UST: variants seen among roughly 807,000 people sequenced by gnomAD.
UST encodes the protein uronyl 2-sulfotransferase.
In UST, 21 loss-of-function variants were observed where a neutral mutation model predicts 45.6. The ratio of observed to expected loss-of-function variants is 0.46; its 90% CI spans 0.33 to 0.66. UST has a LOEUF of 0.66. Ranked by LOEUF, UST falls within the 30% of genes least tolerant of loss-of-function variation. The probability of loss-of-function intolerance (pLI) is 0.02; values close to 1 mark genes in which losing one functional copy is unlikely to be tolerated. For missense variants in UST, 463 were observed against 512.4 expected, an observed-to-expected ratio of 0.90 and a Z score of 0.93; for synonymous variants, 215 against 200.6, an observed-to-expected ratio of 1.07 and a Z score of -0.61.
At chr6:149,021,039 C>T (rs2115019877) in intron 6 of UST, among the ~76,000 whole-genome samples, 1 of 152,336 alleles carries the variant, frequency 6.6e-6, no homozygotes, top group African/African-American at 2.4e-5. Flanking sequence ...CTTGTGCCTG[C>T]ATTCATTCGT....
rs73599938 is a variant in UST, at chr6:149,060,514, C to A, written c.938-13319C>A. On this transcript the variant is annotated intron_variant, in intron 7 of 7. Transcript: ENST00000367463. Reference sequence around the variant, plus strand: ...TCATCTCTTTGAACTGTATGGCCTCCCCTATAATTCAGGAAATGAGTTTAC... The same window carrying A: ...TCATCTCTTTGAACTGTATGGCCTCACCTATAATTCAGGAAATGAGTTTAC... 3.2e-3 allele frequency among the ~76,000 whole-genome samples: 488 copies of A among 152,300 alleles called. 1 individual carries two copies. Among genetic ancestry groups the A allele is most frequent in the African/African-American group, 0.011 (445 of 41,556 alleles).
chr6:149,027,532 C>G (rs1239214138), intron 7 of UST, among the ~76,000 whole-genome samples: 1 of 152,178 alleles, frequency 6.6e-6, no homozygotes, highest in Non-Finnish European at 1.5e-5. Flanking sequence ...TTATGGGGTG[C>G]TTTTACCCCC....
intron 1 of UST, among the ~76,000 whole-genome samples, chr6:148,872,901 A>G (rs1388850459): frequency 6.6e-6 from 1 of 152,146 alleles, no homozygotes; most frequent in African/African-American, 2.4e-5. Flanking sequence ...CAAGTAATCT[A>G]GGATCTTCCA....
chr6:149,002,284 A>G (rs576971722), intron 5 of UST, among the ~76,000 whole-genome samples: 3 of 152,180 alleles, frequency 2.0e-5, no homozygotes, highest in Non-Finnish European at 2.9e-5. Context: ...TGCAGGAAAA[A>G]AAGAATAGCA....
At chr6:148,895,469 T>C (rs4897067) in intron 2 of UST, among the ~76,000 whole-genome samples, 38,566 of 152,002 alleles carry the variant, frequency 0.25, 5,908 homozygotes, top group African/African-American at 0.43. Flanking sequence ...AATGTGCCCC[T>C]ATTTCTACAG....
intron 7 of UST, among the ~76,000 whole-genome samples, chr6:149,034,734 G>A (rs1699979768): frequency 6.6e-6 from 1 of 151,992 alleles, no homozygotes; most frequent in South Asian, 2.1e-4. Context: ...CCTCATGAAA[G>A]GTGCATGGGA....
chr6:149,035,806 G>A (rs572226632), intron 7 of UST, among the ~76,000 whole-genome samples: 3 of 151,996 alleles, frequency 2.0e-5, no homozygotes, highest in African/African-American at 4.8e-5. Flanking sequence ...TAAGTGCTGT[G>A]CAATGAAGGA....
chr6:148,774,633 G>T (rs1206848974), intron 1 of UST, among the ~76,000 whole-genome samples: 2 of 152,124 alleles, frequency 1.3e-5, no homozygotes, highest in Non-Finnish European at 2.9e-5. Context: ...AAAAATCTGT[G>T]GGGGGAATGG....
chr6:148,953,802 C>T (rs1582919976), intron 3 of UST, 70 bp from the exon 4 acceptor site: 4 of 640,280 alleles, frequency 6.2e-6, no homozygotes, highest in South Asian at 5.5e-5. Context: ...GAGTGGGATA[C>T]ATAACCTTTA....
chr6:148,964,687 AGAGG>A, intron 5 of UST, 124 bp downstream of exon 5: 1 of 1,283,026 alleles, frequency 7.8e-7, no homozygotes. Flanking sequence ...CGTGGCGCAG[AGAGG>A]GTGCTTCCGC....
intron 5 of UST, among the ~76,000 whole-genome samples, chr6:148,974,238 A>G (rs965941947): frequency 1.3e-5 from 2 of 152,178 alleles, no homozygotes; most frequent in Non-Finnish European, 2.9e-5. Context: ...GGAGCTTCAG[A>G]ATAAGCTTGG....
intron 1 of UST, among the ~76,000 whole-genome samples, chr6:148,869,924 CA>C (rs1778516591): frequency 6.6e-6 from 1 of 152,148 alleles, no homozygotes; most frequent in African/African-American, 2.4e-5. Flanking sequence ...GCTGGAAGCA[CA>C]ATTTTATTTT....
At chr6:148,859,813 G>A (rs928767349) in intron 1 of UST, among the ~76,000 whole-genome samples, 7 of 152,118 alleles carry the variant, frequency 4.6e-5, no homozygotes, top group Non-Finnish European at 1.0e-4. Context: ...TAGATGTGTG[G>A]TATTATTTCT....
intron 2 of UST, among the ~76,000 whole-genome samples, chr6:148,926,133 A>T (rs986413969): frequency 2.6e-5 from 4 of 152,212 alleles, no homozygotes; most frequent in Non-Finnish European, 5.9e-5. Context: ...ACTTTATGAG[A>T]TCCTTTCCAC....
intron 2 of UST, among the ~76,000 whole-genome samples, chr6:148,888,775 T>C (rs1328012463): frequency 6.6e-6 from 1 of 152,178 alleles, no homozygotes; most frequent in Admixed American, 6.5e-5. Flanking sequence ...TGAATGCCTG[T>C]GATGCTGCAG....
intron 7 of UST, among the ~76,000 whole-genome samples, chr6:149,056,622 T>C (rs906489020): frequency 3.9e-5 from 6 of 152,258 alleles, no homozygotes; most frequent in Non-Finnish European, 1.5e-5. Flanking sequence ...TCACACTGTC[T>C]TATTTAGTGT....
chr6:148,808,285 A>G (rs1777188905), intron 1 of UST, among the ~76,000 whole-genome samples: 1 of 152,224 alleles, frequency 6.6e-6, no homozygotes, highest in Admixed American at 6.5e-5. Flanking sequence ...CTTTGGGACC[A>G]GCAAGAGCAA....
In UST at chr6:148,890,217, CT is replaced by C. The variant is rs548381278; in HGVS notation, c.291+3190del. On this transcript the variant is annotated intron_variant, in intron 2 of 7. Coordinates refer to ENST00000367463, the MANE Select transcript of UST (RefSeq NM_005715.3). The stretch of plus-strand genomic sequence containing the variant: ...GTATGTGAACATCTTCTCATCCGTT[CT>C]TATTGCTTCTGGCAGGGTGGAAATG... 9.9e-5 allele frequency among the ~76,000 whole-genome samples: 15 copies of C among 152,268 alleles called. No individual in the cohort carries two copies. The East Asian group carries it at 2.9e-3, about 29-fold the overall frequency.
At chr6:148,981,227 C>G (rs1385374249) in intron 5 of UST, among the ~76,000 whole-genome samples, 1 of 152,182 alleles carries the variant, frequency 6.6e-6, no homozygotes, top group African/African-American at 2.4e-5. Context: ...ACTTAATCCT[C>G]ACAATGATCT....
Sources: allele counts gnomAD v4.1 joint callset (sites outside exome capture counted in the v4.1 genomes callset), GRCh38; gene constraint gnomAD v4.1.1; transcripts MANE v1.5; gene names NCBI Gene and HGNC (gene_info 2026-07-23, HGNC 2026-07-21).